FANCI: variants seen among roughly 807,000 people sequenced by gnomAD.
FANCI encodes the protein Fanconi anemia group I protein.
In FANCI, 156 loss-of-function variants were observed where a neutral mutation model predicts 176.1. That is an observed-to-expected ratio of 0.89 (90% CI 0.78 to 1.01). The LOEUF is 1.01. Among genes scored for constraint, FANCI ranks in the 50% least tolerant of loss-of-function variants. The pLI is 0.00. For synonymous variants in FANCI, 613 were observed against 541.7 expected (o/e 1.13, Z -1.83); for missense variants, 1,678 against 1,534.1 (o/e 1.09, Z -1.57).
chr15:89,308,939 C>G (rs2054839538), intron 34 of FANCI, among the ~76,000 whole-genome samples: 1 of 136,932 alleles, frequency 7.3e-6, no homozygotes, highest in Non-Finnish European at 1.6e-5. Context: ...GAGCGAAACT[C>G]CGTCTCAAAA....
intron 14 of FANCI, 145 bp downstream of exon 14, chr15:89,278,919 T>C: frequency 1.5e-6 from 1 of 659,642 alleles, no homozygotes; most frequent in Non-Finnish European, 2.7e-6. Context: ...TCCATTTATG[T>C]TGTCTGGGAT....
intron 2 of FANCI, among the ~76,000 whole-genome samples, chr15:89,256,523 C>T (rs994246883): frequency 2.0e-5 from 3 of 152,200 alleles, no homozygotes; most frequent in East Asian, 1.9e-4. Flanking sequence ...ACCTCTCTCT[C>T]GAGATTATCC....
intron 30 of FANCI, 84 bp from the exon 31 acceptor site, chr15:89,305,521 C>A (rs942486450): frequency 5.1e-5 from 81 of 1,597,034 alleles, no homozygotes; most frequent in Non-Finnish European, 6.6e-5. Flanking sequence ...TGTAACCCAC[C>A]TGTAGGTGGC....
At chr15:89,264,385 T>A in intron 8 of FANCI, 137 bp from the exon 9 acceptor site, 1 of 761,206 alleles carries the variant, frequency 1.3e-6, no homozygotes, top group Non-Finnish European at 2.3e-6. Context: ...TTCTATACAT[T>A]CTTAGTTTGA....
chr15:89,245,005 G>T (rs191432329), intron 1 of FANCI, among the ~76,000 whole-genome samples: 32 of 152,222 alleles, frequency 2.1e-4, no homozygotes, highest in Admixed American at 1.8e-3. Context: ...GCTACGGCCC[G>T]TGTCCTTAGG....
rs142155725 is a variant in FANCI, at chr15:89,264,115, G to C, written c.669+89G>C. 3,284 of 1,428,732 alleles carry C rather than the reference G, an allele frequency of 2.3e-3. 36 individuals carry two copies. Among genetic ancestry groups the C allele is most frequent in the East Asian group, 0.015 (646 of 43,922 alleles). The allele number at this position is 1,428,732 out of a possible 1,614,324, so 88.5% of individuals were successfully genotyped here. ...ATTCATACCCTTGGTTTATATAGCAGAGCAAACATAGCCGAACATAGATGC... is the reference window on the plus strand; with the variant it reads ...ATTCATACCCTTGGTTTATATAGCACAGCAAACATAGCCGAACATAGATGC... On this transcript the variant is annotated intron_variant, in intron 8 of 37. Transcript: ENST00000310775.
intron 35 of FANCI, among the ~76,000 whole-genome samples, chr15:89,313,471 T>C (rs1027854257): frequency 6.6e-6 from 1 of 152,162 alleles, no homozygotes; most frequent in Non-Finnish European, 1.5e-5. Flanking sequence ...AATAGTAAAA[T>C]AACTTACGAT....
intron 7 of FANCI, among the ~76,000 whole-genome samples, 194 bp downstream of exon 7, chr15:89,263,654 A>C (rs1048003161): frequency 6.6e-6 from 1 of 152,208 alleles, no homozygotes; most frequent in African/African-American, 2.4e-5. Context: ...TATTTAAAAC[A>C]TAACTTTATT....
intron 3 of FANCI, among the ~76,000 whole-genome samples, chr15:89,260,032 T>C (rs1294495711): frequency 2.6e-5 from 3 of 115,812 alleles, no homozygotes; most frequent in Non-Finnish European, 5.2e-5. Flanking sequence ...GAAACTCTTA[T>C]GTTTAACTGA....
At position 89,291,770 on chromosome 15, in the gene FANCI, A is replaced by G. The variant is rs2054079590; in HGVS notation, c.1992+56A>G. On this transcript the variant is annotated intron_variant, in intron 20 of 37. Transcript: ENST00000310775. ...TTTTTAGTATTAAGGATAGGGTTGA[A>G]CTTTGCAAAGAGATACCTTTCCCTG... The G allele has an allele frequency of 6.4e-6, 9 of 1,413,284 alleles. No homozygotes were observed. In the South Asian group the frequency reaches 8.1e-5, roughly 13 times the overall value. 87.5% of individuals were successfully genotyped at this position (1,413,284 alleles called of 1,614,324 possible).
intron 24 of FANCI, among the ~76,000 whole-genome samples, chr15:89,295,366 GAAAAA>G (rs373941070): frequency 1.5e-4 from 14 of 96,306 alleles, no homozygotes; most frequent in Non-Finnish European, 1.2e-4. Context: ...ACTCTCAAAA[GAAAAA>G]AAAAAAAAAA....
At chr15:89,312,996 A>G (rs1344720069) in intron 35 of FANCI, 24 bp downstream of exon 35, 1 of 1,611,066 alleles carries the variant, frequency 6.2e-7, no homozygotes, top group East Asian at 2.2e-5. Flanking sequence ...ACTGACCGTT[A>G]AAATATGCTT....
At chr15:89,290,607 A>G (rs1393967655) in intron 19 of FANCI, 2 of 272,046 alleles carry the variant, frequency 7.4e-6, no homozygotes, top group Non-Finnish European at 7.1e-6. Flanking sequence ...AAAGAAATCC[A>G]AAACAAATAT....
intron 10 of FANCI, among the ~76,000 whole-genome samples, chr15:89,271,804 A>G (rs1248720937): frequency 2.6e-5 from 4 of 152,150 alleles, no homozygotes; most frequent in Non-Finnish European, 5.9e-5. Flanking sequence ...TTATTGTTGA[A>G]TAGTATTCCA....
chr15:89,246,994 C>T (rs2052014720), intron 1 of FANCI, among the ~76,000 whole-genome samples: 1 of 151,334 alleles, frequency 6.6e-6, no homozygotes, highest in South Asian at 2.1e-4. Flanking sequence ...TGGTCTCGAT[C>T]TCCTGACTTC....
At chr15:89,298,339 A>G (rs1411790997) in intron 24 of FANCI, among the ~76,000 whole-genome samples, 2 of 152,222 alleles carry the variant, frequency 1.3e-5, no homozygotes, top group African/African-American at 4.8e-5. Flanking sequence ...TAACAGAAAG[A>G]TATCTAGATA....
chr15:89,292,618 G>A, intron 20 of FANCI, 70 bp from the exon 21 acceptor site: 2 of 1,456,310 alleles, frequency 1.4e-6, no homozygotes, highest in Non-Finnish European at 1.9e-6. Flanking sequence ...ATTATTTGCT[G>A]GTTATGAACA....
intron 24 of FANCI, among the ~76,000 whole-genome samples, chr15:89,299,185 A>G (rs1251771328): frequency 6.8e-6 from 1 of 146,898 alleles, no homozygotes; most frequent in Non-Finnish European, 1.5e-5. Flanking sequence ...AAAAAAAAAA[A>G]CCTGAGTAAT....
chr15:89,246,136 G>A (rs1444668951), intron 1 of FANCI, among the ~76,000 whole-genome samples: 1 of 152,148 alleles, frequency 6.6e-6, no homozygotes, highest in Non-Finnish European at 1.5e-5. Context: ...GGAAGAAGAG[G>A]AGGAACAGAT....
Sources: gnomAD v4.1 joint callset for allele counts (sites outside exome capture counted in the v4.1 genomes callset) on GRCh38, gnomAD v4.1.1 for gene constraint, MANE v1.5 for transcripts, NCBI Gene and HGNC (gene_info 2026-07-23, HGNC 2026-07-21) for gene names.